Variants in CDKN2A observed in about 807,000 individuals in gnomAD.
CDKN2A encodes the protein cyclin dependent kinase inhibitor 2A, also known as cyclin-dependent kinase inhibitor 2A.
Under a neutral mutation model 11.1 loss-of-function variants are expected in CDKN2A, and 3 were observed. The ratio of observed to expected loss-of-function variants is 0.27; its 90% confidence interval spans 0.12 to 0.70. The LOEUF (loss-of-function observed/expected upper bound fraction) is 0.70. Among genes scored for constraint, CDKN2A ranks in the 30% least tolerant of loss-of-function variants. The pLI is 0.77. For missense variants in CDKN2A, 265 were observed against 233.6 expected, an observed-to-expected ratio of 1.13 and a Z score of -0.88; for synonymous variants, 122 against 108.1, an observed-to-expected ratio of 1.13 and a Z score of -0.80.
At chr9:21,969,448 A>G (rs1267162594) in intron 2 of CDKN2A, 1 of 317,356 alleles carries the variant, frequency 3.2e-6, no homozygotes, top group African/African-American at 2.1e-5. Flanking sequence ...CGTGCCCACC[A>G]CCTAGAACAG....
Position 21,974,507 on chromosome 9 carries a change from C to CA in CDKN2A, c.150+170dup, listed in dbSNP as rs753316964. 2.5e-6 allele frequency: 4 copies of CA among 1,613,098 alleles called. No individual in the cohort carries two copies. Among genetic ancestry groups the CA allele is most frequent in the East Asian group, 2.2e-5 (1 of 44,866 alleles). On this transcript the variant is annotated intron_variant, in intron 1 of 2. Coordinates refer to ENST00000304494, the MANE Select transcript of CDKN2A (RefSeq NM_000077.5). The surrounding 1 kb of genome is among the most constrained non-coding windows in gnomAD (Gnocchi z 5.2). Reference sequence around the variant, plus strand: ...CCTCTTCCTTGGCTTCCCAAGCCCCCAGGGCGTCGCCAGGAGGAGGTCTGT... The same window carrying CA: ...CCTCTTCCTTGGCTTCCCAAGCCCCCAAGGGCGTCGCCAGGAGGAGGTCTGT...
chr9:21,994,060 A>G, intron 1 of CDKN2A: 1 of 1,476,774 alleles, frequency 6.8e-7, no homozygotes, highest in Non-Finnish European at 9.2e-7. Flanking sequence ...TGGGCTAGAG[A>G]CGAATTATCT....
chr9:21,968,043 A>T lies in CDKN2A; in HGVS notation c.*186T>A, dbSNP rs1189711562. 1 of 616,488 alleles carries T rather than the reference A, an allele frequency of 1.6e-6. No homozygotes were observed. The highest frequency in any genetic ancestry group is 2.9e-6 in the Non-Finnish European group (1 of 341,798). The allele number at this position is 616,488 out of a possible 1,614,324, so 38.2% of individuals were successfully genotyped here. Reference sequence around the variant, plus strand: ...AATATATAAAAAATGATATAAATGGACATTTACGGTAGTGGGGGAAGGCAT... The same window carrying T: ...AATATATAAAAAATGATATAAATGGTCATTTACGGTAGTGGGGGAAGGCAT... On this transcript the variant is annotated 3_prime_UTR_variant, in exon 3 of 3. Coordinates refer to ENST00000304494, the MANE Select transcript of CDKN2A (RefSeq NM_000077.5). The surrounding 1 kb of genome is among the most constrained non-coding windows in gnomAD (Gnocchi z 4.7).
chr9:21,991,612 G>T lies in CDKN2A; in HGVS notation c.-4+2270C>A. On this transcript the variant is annotated intron_variant, in intron 2 of 3. Coordinates refer to the CDKN2A transcript ENST00000494262. This position sits in a 1 kb window ranked among gnomAD's most constrained non-coding sequence, Gnocchi z 5.2. ...CTTTAGTAATAGGAGTTTTTCATAT[G>T]TTGGGAAAATGGTTTAGCTTAACTC... is the stretch of plus-strand genomic sequence containing the variant. The T allele has an allele frequency of 1.0e-6, 1 of 976,062 alleles. No individual in the cohort carries two copies. Among genetic ancestry groups the T allele is most frequent in the Non-Finnish European group, 1.2e-6 (1 of 821,392 alleles). The allele number at this position is 976,062 out of a possible 1,614,324, so 60.5% of individuals were successfully genotyped here.
upstream of CDKN2A, among the ~76,000 whole-genome samples, chr9:21,975,698 C>T (rs778042709): frequency 2.0e-5 from 3 of 152,146 alleles, no homozygotes; most frequent in Admixed American, 6.5e-5. Context: ...AGAATTCTGC[C>T]TGTAGGCAGA....
At position 21,974,633 on chromosome 9, in the gene CDKN2A, G is replaced by T. The variant is rs143013864; in HGVS notation, c.150+45C>A. ...ATTCCCCTGCAAACTTCGTCCTCCA[G>T]AGTCGCCCGCCATCCCCTGCTCCCG... is the stretch of plus-strand genomic sequence containing the variant. On this transcript the variant is annotated intron_variant, in intron 1 of 2. Coordinates refer to ENST00000304494, the MANE Select transcript of CDKN2A (RefSeq NM_000077.5). This position sits in a 1 kb window ranked among gnomAD's most constrained non-coding sequence, Gnocchi z 5.2. The T allele has an allele frequency of 1.9e-6, 3 of 1,614,176 alleles. No individual in the cohort carries two copies. The highest frequency in any genetic ancestry group is 2.5e-6 in the Non-Finnish European group (3 of 1,180,030).
chr9:21,975,933 C>T (rs980639774), upstream of CDKN2A, among the ~76,000 whole-genome samples: 1 of 152,094 alleles, frequency 6.6e-6, no homozygotes, highest in Non-Finnish European at 1.5e-5. Context: ...TATGAGTGCC[C>T]CCTGCTTTAT....
Position 21,991,852 on chromosome 9 carries a change from G to T in CDKN2A, c.-4+2030C>A. On this transcript the variant is annotated intron_variant, in intron 2 of 3. Transcript: ENST00000494262. This position sits in a 1 kb window ranked among gnomAD's most constrained non-coding sequence, Gnocchi z 5.2. Reference sequence around the variant, plus strand: ...ACAAACTGTGAATCATGTACACATGGGGAATAATGGTTTATACTAACTGCA... The same window carrying T: ...ACAAACTGTGAATCATGTACACATGTGGAATAATGGTTTATACTAACTGCA... 2 of 985,126 alleles carry T rather than the reference G, an allele frequency of 2.0e-6. No individual in the cohort carries two copies. Among genetic ancestry groups the T allele is most frequent in the Non-Finnish European group, 2.4e-6 (2 of 829,674 alleles). 61.0% of individuals were successfully genotyped at this position (985,126 alleles called of 1,614,324 possible). A position where few individuals can be genotyped will look rare whatever the true frequency, so the allele number is the denominator to read the frequency against.
intron 1 of CDKN2A, among the ~76,000 whole-genome samples, chr9:21,971,574 G>GGTTTTTTTTTTTTTTTTTTTTTTT (rs1172457321): frequency 1.8e-5 from 1 of 54,088 alleles, no homozygotes; most frequent in African/African-American, 1.6e-4. Flanking sequence ...TAGGCCTGGA[G>GGTTTTTTTTTTTTTTTTTTTTTTT]ATTTTTTTTT....
At chr9:21,994,388 G>A in intron 1 of CDKN2A, 3 of 1,607,764 alleles carry the variant, frequency 1.9e-6, no homozygotes, top group East Asian at 4.5e-5. Context: ...TTTGGCACCA[G>A]AGGTGAGCAG....
chr9:21,989,320 T>C (rs1455970673), intron 2 of CDKN2A: 1 of 152,234 alleles, frequency 6.6e-6, no homozygotes, highest in Non-Finnish European at 1.5e-5. Flanking sequence ...GTTGGCTTAC[T>C]GTCATGGAAA....
chr9:21,990,643 A>AGAGAGAGAGAGAGAGAGAGAGAGAGAGG (rs1458144530), intron 2 of CDKN2A, among the ~76,000 whole-genome samples: 1 of 149,056 alleles, frequency 6.7e-6, no homozygotes, highest in Non-Finnish European at 1.5e-5. Flanking sequence ...AGAGAGAGAG[A>AGAGAGAGAGAGAGAGAGAGAGAGAGAGG]GAGAGAGAAA....
At position 21,991,640 on chromosome 9, in the gene CDKN2A, T is replaced by A; in HGVS notation, c.-4+2242A>T. ...GGGAAAATGGTTTAGCTTAACTCTA[T>A]CATGGTAGTTGATAGTGATGAACTA... On this transcript the variant is annotated intron_variant, in intron 2 of 3. Transcript: ENST00000494262. The surrounding 1 kb of genome is among the most constrained non-coding windows in gnomAD (Gnocchi z 5.2). 1.0e-6 allele frequency: 1 copy of A among 984,094 alleles called. No individual in the cohort carries two copies. 61.0% of individuals were successfully genotyped at this position (984,094 alleles called of 1,614,324 possible). A position where few individuals can be genotyped will look rare whatever the true frequency, so the allele number is the denominator to read the frequency against.
chr9:21,971,530 A>T (rs1306753192), intron 1 of CDKN2A: 1 of 391,260 alleles, frequency 2.6e-6, no homozygotes, highest in African/African-American at 2.4e-5. Context: ...TTCCCCTGAG[A>T]TACAACTACT....
rs549407023 is a variant in CDKN2A at position 21,974,400 on chromosome 9, A to T, written c.150+278T>A. ...GTAAATTTTGTATCTGATAAAGAGC[A>T]TACTTCCATCTAATACAAATATGTT... is the stretch of plus-strand genomic sequence containing the variant. On this transcript the variant is annotated intron_variant, in intron 1 of 2. Transcript: ENST00000304494. The surrounding 1 kb of genome is among the most constrained non-coding windows in gnomAD (Gnocchi z 5.2). 6.3e-7 allele frequency: 1 copy of T among 1,590,250 alleles called. No individual in the cohort carries two copies. Among genetic ancestry groups the T allele is most frequent in the South Asian group, 1.1e-5 (1 of 89,712 alleles).
At chr9:21,983,567 A>T (rs1820242283) in intron 2 of CDKN2A, among the ~76,000 whole-genome samples, 1 of 152,068 alleles carries the variant, frequency 6.6e-6, no homozygotes, top group Non-Finnish European at 1.5e-5. Flanking sequence ...CAGTTTTTCA[A>T]AGGGTAGAAG....
intron 2 of CDKN2A, among the ~76,000 whole-genome samples, chr9:21,986,495 C>A (rs1266252467): frequency 6.6e-6 from 1 of 151,904 alleles, no homozygotes; most frequent in Non-Finnish European, 1.5e-5. Flanking sequence ...AAACCATATA[C>A]ATATTTATAG....
rs75256133 is a variant in CDKN2A, at chr9:21,974,526, G to A, written c.150+152C>T. 463 of 1,613,234 alleles carry A rather than the reference G, an allele frequency of 2.9e-4. 7 individuals carry two copies. In the East Asian group the frequency reaches 0.01, roughly 36 times the overall value. On this transcript the variant is annotated intron_variant, in intron 1 of 2. Coordinates refer to ENST00000304494, the MANE Select transcript of CDKN2A (RefSeq NM_000077.5). The surrounding 1 kb of genome is among the most constrained non-coding windows in gnomAD (Gnocchi z 5.2). Reference sequence around the variant, plus strand: ...AGCCCCCAGGGCGTCGCCAGGAGGAGGTCTGTGATTACAAACCCCTTCTGA... The same window carrying A: ...AGCCCCCAGGGCGTCGCCAGGAGGAAGTCTGTGATTACAAACCCCTTCTGA...
chr9:21,983,450 T>C (rs1249774951), intron 2 of CDKN2A, among the ~76,000 whole-genome samples: 2 of 152,104 alleles, frequency 1.3e-5, no homozygotes, highest in African/African-American at 4.8e-5. Context: ...TAAATGCTAC[T>C]TTTAACAGCT....
Sources: allele counts gnomAD v4.1 joint callset (sites outside exome capture counted in the v4.1 genomes callset), GRCh38; gene constraint gnomAD v4.1.1; non-coding constraint Gnocchi (gnomAD v3.1); transcripts MANE v1.5; gene names NCBI Gene and HGNC (gene_info 2026-07-23, HGNC 2026-07-21).